UEVLD: variants seen among roughly 807,000 people sequenced by gnomAD.
UEVLD encodes the protein ubiquitin-conjugating enzyme E2 variant 3.
In UEVLD, 47 loss-of-function variants were observed where a neutral mutation model predicts 58.6. That is an observed-to-expected ratio of 0.80 (90% confidence interval 0.63 to 1.02). The LOEUF (loss-of-function observed/expected upper bound fraction) is 1.02. Among genes scored for constraint, UEVLD ranks in the 50% least tolerant of loss-of-function variants. UEVLD has a pLI of 0.00. For missense variants in UEVLD, 510 were observed against 550.6 expected (o/e 0.93, Z 0.74); for synonymous variants, 197 against 195.3 (o/e 1.01, Z -0.07).
chr11:18,556,780 A>C lies in UEVLD; in HGVS notation c.715+1448T>G, dbSNP rs1851772431. Among the ~76,000 whole-genome samples the C allele has an allele frequency of 3.3e-5, 5 of 152,156 alleles. No homozygotes were observed. The South Asian group carries it at 1.0e-3, about 31-fold the overall frequency. On this transcript the variant is annotated intron_variant, in intron 7 of 11. Coordinates refer to ENST00000396197, the MANE Select transcript of UEVLD (RefSeq NM_001040697.4). Reference sequence around the variant, plus strand: ...ATATGTTACGTACATTATAAAATACATGCAAATTTTTTAATTAAAAAATGA... The same window carrying C: ...ATATGTTACGTACATTATAAAATACCTGCAAATTTTTTAATTAAAAAATGA...
At chr11:18,560,138 C>CACACACACACACACACACACACAGAG (rs368897951) in intron 6 of UEVLD, among the ~76,000 whole-genome samples, 152 of 74,746 alleles carry the variant, frequency 2.0e-3, no homozygotes, top group Non-Finnish European at 3.0e-3. Flanking sequence ...CACACACACA[C>CACACACACACACACACACACACAGAG]AGAGAGAGAA....
chr11:18,565,126 C>T (rs553407063), intron 5 of UEVLD, 116 bp from the exon 6 acceptor site: 1 of 659,400 alleles, frequency 1.5e-6, no homozygotes, highest in Admixed American at 3.0e-5. Context: ...GGTGCTAGTC[C>T]ATAATGGGCA....
chr11:18,533,823 T>A (rs1850676541), intron 11 of UEVLD, among the ~76,000 whole-genome samples: 3 of 152,190 alleles, frequency 2.0e-5, no homozygotes, highest in Admixed American at 2.0e-4. Flanking sequence ...TCTGGCTAAT[T>A]TTTGTATTTT....
chr11:18,567,646 T>C (rs1852365021), intron 4 of UEVLD, among the ~76,000 whole-genome samples: 1 of 152,196 alleles, frequency 6.6e-6, no homozygotes, highest in East Asian at 1.9e-4. Context: ...AACTGTGCTG[T>C]TCAAACAAAT....
At chr11:18,557,793 C>T (rs957422515) in intron 7 of UEVLD, among the ~76,000 whole-genome samples, 16 of 152,040 alleles carry the variant, frequency 1.1e-4, no homozygotes, top group African/African-American at 3.9e-4. Flanking sequence ...ATTATTTCTA[C>T]TTTATAGATG....
intron 4 of UEVLD, among the ~76,000 whole-genome samples, chr11:18,568,457 A>G (rs1459969122): frequency 6.6e-6 from 1 of 152,222 alleles, no homozygotes; most frequent in Non-Finnish European, 1.5e-5. Flanking sequence ...GAAGAAACGT[A>G]CGATTGATAA....
In UEVLD at chr11:18,544,765, C is replaced by CA; in HGVS notation, c.917dup (p.Ser307GlufsTer14). 2 of 1,565,382 alleles carry CA rather than the reference C, an allele frequency of 1.3e-6. No individual in the cohort carries two copies. Among genetic ancestry groups the CA allele is most frequent in the Non-Finnish European group, 8.6e-7 (1 of 1,163,354 alleles). On this transcript the variant is annotated frameshift_variant, in exon 9 of 12. Coordinates refer to ENST00000396197, the MANE Select transcript of UEVLD (RefSeq NM_001040697.4). LOFTEE classifies it high-confidence loss of function. ...TCACTCGATTTGCAGGAAATGTACT[C>CA]AGTTTCCATGTTACATAGGTCATGA...
At chr11:18,564,299 G>A (rs1852189178) in intron 6 of UEVLD, among the ~76,000 whole-genome samples, 1 of 151,872 alleles carries the variant, frequency 6.6e-6, no homozygotes, top group Non-Finnish European at 1.5e-5. Context: ...TTCTATTCAG[G>A]GCTACATCTC....
chr11:18,588,553 G>T, intron 1 of UEVLD, 60 bp downstream of exon 1: 1 of 1,587,166 alleles, frequency 6.3e-7, no homozygotes, highest in Non-Finnish European at 8.6e-7. Context: ...CCTGGCCAAA[G>T]GCAGAGGCAC....
At chr11:18,566,537 T>C (rs1257203398) in intron 4 of UEVLD, 55 bp from the exon 5 acceptor site, 3 of 1,581,110 alleles carry the variant, frequency 1.9e-6, no homozygotes, top group East Asian at 2.3e-5. Flanking sequence ...TGAAGAATAC[T>C]ACCTTTGTTG....
chr11:18,554,125 T>C (rs147357963), intron 7 of UEVLD, among the ~76,000 whole-genome samples: 1,816 of 152,268 alleles, frequency 0.012, 14 homozygotes, highest in Middle Eastern at 0.02. Flanking sequence ...GTTTCGCTCT[T>C]GTTGCCCCCA....
At chr11:18,542,539 G>C (rs1851099144) in intron 9 of UEVLD, among the ~76,000 whole-genome samples, 1 of 152,044 alleles carries the variant, frequency 6.6e-6, no homozygotes, top group Non-Finnish European at 1.5e-5. Context: ...TTCTAGCACT[G>C]AGCCTTCTAG....
chr11:18,557,996 A>C (rs886782590), intron 7 of UEVLD, among the ~76,000 whole-genome samples: 1 of 152,206 alleles, frequency 6.6e-6, no homozygotes, highest in Non-Finnish European at 1.5e-5. Context: ...CCTTCTGACC[A>C]ATCTGAATAA....
At chr11:18,574,917 G>A (rs961004253) in intron 3 of UEVLD, among the ~76,000 whole-genome samples, 19 of 152,254 alleles carry the variant, frequency 1.2e-4, no homozygotes, top group African/African-American at 4.6e-4. Flanking sequence ...TCTCCCCAAG[G>A]GCAGGCCTAT....
intron 2 of UEVLD, among the ~76,000 whole-genome samples, chr11:18,576,766 A>G (rs1363119086): frequency 1.3e-5 from 2 of 152,118 alleles, no homozygotes; most frequent in East Asian, 1.9e-4. Flanking sequence ...GACAACTTCA[A>G]CTTCCCATGA....
intron 6 of UEVLD, 122 bp from the exon 7 acceptor site, chr11:18,558,452 G>A: frequency 2.0e-6 from 1 of 506,814 alleles, no homozygotes; most frequent in Non-Finnish European, 3.3e-6. Flanking sequence ...GTGTTAAGAA[G>A]AGTAAGTAAC....
intron 1 of UEVLD, 51 bp downstream of exon 1, chr11:18,588,562 A>G: frequency 6.3e-7 from 1 of 1,594,998 alleles, no homozygotes; most frequent in South Asian, 1.1e-5. Flanking sequence ...AGGCAGAGGC[A>G]CCCCCCGCAA....
At chr11:18,562,959 T>A (rs1017709574) in intron 6 of UEVLD, among the ~76,000 whole-genome samples, 2 of 151,966 alleles carry the variant, frequency 1.3e-5, no homozygotes, top group African/African-American at 4.8e-5. Flanking sequence ...GGTGGGAAGA[T>A]CTCTTAAGCC....
At position 18,532,249 on chromosome 11, in the gene UEVLD, C is replaced by T; in HGVS notation, c.*71G>A. The T allele has an allele frequency of 6.9e-7, 1 of 1,446,596 alleles. No homozygotes were observed. 89.6% of individuals were successfully genotyped at this position (1,446,596 alleles called of 1,614,324 possible). A position where few individuals can be genotyped will look rare whatever the true frequency, so the allele number is the denominator to read the frequency against. Reference sequence around the variant, plus strand: ...TAGCAGGATACAGAAATCCTCAAACCTATATATAGGTAAAATTAAATGACT... The same window carrying T: ...TAGCAGGATACAGAAATCCTCAAACTTATATATAGGTAAAATTAAATGACT... On this transcript the variant is annotated 3_prime_UTR_variant, in exon 12 of 12. Coordinates refer to ENST00000396197, the MANE Select transcript of UEVLD (RefSeq NM_001040697.4).
Sources: allele counts gnomAD v4.1 joint callset (sites outside exome capture counted in the v4.1 genomes callset), GRCh38; gene constraint gnomAD v4.1.1; transcripts MANE v1.5; gene names NCBI Gene and HGNC (gene_info 2026-07-23, HGNC 2026-07-21).